NUSAP1: variants seen among roughly 807,000 people sequenced by gnomAD.
NUSAP1 encodes the protein nucleolar and spindle associated protein 1.
A neutral mutation model predicts 52.8 loss-of-function variants in NUSAP1; 32 were observed. The observed-to-expected ratio is 0.61, with a 90% CI of 0.46 to 0.81. The LOEUF (loss-of-function observed/expected upper bound fraction) is 0.81, where lower values mean the gene tolerates loss of function less well. Ranked by LOEUF, NUSAP1 falls within the 40% of genes least tolerant of loss-of-function variation. The pLI, the probability that NUSAP1 is intolerant of heterozygous loss-of-function variation, is 0.00. For synonymous variants in NUSAP1, 195 were observed against 183.1 expected (o/e 1.06, Z -0.52); for missense variants, 499 against 522.3 (o/e 0.96, Z 0.43).
chr15:41,336,648 G>GTTTTTTTTT (rs75426159), intron 1 of NUSAP1, among the ~76,000 whole-genome samples: 37 of 91,346 alleles, frequency 4.1e-4, no homozygotes, highest in East Asian at 9.8e-4. Flanking sequence ...CCTCCTTTTG[G>GTTTTTTTTT]TTTTTTTTTT....
At position 41,371,686 on chromosome 15, in the gene NUSAP1, TAA is replaced by T. The variant is rs371284414; in HGVS notation, c.1006+16_1006+17del. The T allele has an allele frequency of 4.0e-3, 5,045 of 1,272,084 alleles. No homozygotes were observed. Among genetic ancestry groups the T allele is most frequent in the Admixed American group, 0.011 (426 of 37,718 alleles). The allele number at this position is 1,272,084 out of a possible 1,614,324, so 78.8% of individuals were successfully genotyped here. A position where few individuals can be genotyped will look rare whatever the true frequency, so the allele number is the denominator to read the frequency against. ...CCATCACGGGGAATTCTGCTGCTGG[TAA>T]AAAAAAAAAAAAACAAAAGAAATCT... On this transcript the variant is annotated splice_donor_region_variant and intron_variant, in intron 8 of 10. Coordinates refer to ENST00000559596, the MANE Select transcript of NUSAP1 (RefSeq NM_016359.5).
At chr15:41,364,541 G>A (rs183676984) in intron 6 of NUSAP1, among the ~76,000 whole-genome samples, 15 of 151,830 alleles carry the variant, frequency 9.9e-5, no homozygotes, top group East Asian at 7.7e-4. Context: ...AAGAGACCCC[G>A]TCTCATTTAA....
intron 7 of NUSAP1, among the ~76,000 whole-genome samples, chr15:41,371,124 A>G (rs2049667077): frequency 6.6e-6 from 1 of 152,150 alleles, no homozygotes; most frequent in South Asian, 2.1e-4. Flanking sequence ...AGGAACATAC[A>G]AGACCTGTTC....
At chr15:41,372,519 A>G (rs1025269451) in intron 8 of NUSAP1, among the ~76,000 whole-genome samples, 1 of 152,148 alleles carries the variant, frequency 6.6e-6, no homozygotes, top group Admixed American at 6.6e-5. Context: ...GTACATGTGC[A>G]AGAGTTTCCC....
At chr15:41,354,091 A>G (rs1377353583) in intron 4 of NUSAP1, among the ~76,000 whole-genome samples, 1 of 152,216 alleles carries the variant, frequency 6.6e-6, no homozygotes, top group Non-Finnish European at 1.5e-5. Context: ...AATAATAATA[A>G]TAAGCTGGCT....
chr15:41,379,987 C>A, intron 10 of NUSAP1, 106 bp from the exon 11 acceptor site: 1 of 731,828 alleles, frequency 1.4e-6, no homozygotes, highest in South Asian at 1.7e-5. Flanking sequence ...CACAAGTATG[C>A]TGGATGTCAT....
At position 41,380,844 on chromosome 15, in the gene NUSAP1, ATTAATGCT is replaced by A. The variant is rs1468377405; in HGVS notation, c.*669_*676del. ...TACATAGCCCTATCGAAATGCGAGG[ATTAATGCT>A]TTAATGCTTTTAGAGACAGGGTCTC... On this transcript the variant is annotated 3_prime_UTR_variant, in exon 11 of 11. Transcript: ENST00000559596. 1.3e-5 allele frequency: 2 copies of A among 152,196 alleles called. No individual in the cohort carries two copies. Among genetic ancestry groups the A allele is most frequent in the Admixed American group, 1.3e-4 (2 of 15,246 alleles). 9.4% of individuals were successfully genotyped at this position (152,196 alleles called of 1,614,324 possible).
At chr15:41,338,897 G>A (rs771006207) in intron 1 of NUSAP1, among the ~76,000 whole-genome samples, 8 of 152,054 alleles carry the variant, frequency 5.3e-5, no homozygotes, top group Non-Finnish European at 1.0e-4. Context: ...CCTGAGAGGT[G>A]GAGGCTGCAG....
rs142240243 is a variant in NUSAP1 at position 41,355,925 on chromosome 15, G to A, written c.449-114G>A. On this transcript the variant is annotated intron_variant, in intron 4 of 10. Transcript: ENST00000559596. ...GATCTTCTGACCTCGTGATCCACCC[G>A]CCTCGGCCTCCCAAAGTGCTGGGAT... 1,709 of 613,274 alleles carry A rather than the reference G, an allele frequency of 2.8e-3. 23 individuals carry two copies. The African/African-American group carries it at 0.029, about 10-fold the overall frequency. The allele number at this position is 613,274 out of a possible 1,614,324, so 38.0% of individuals were successfully genotyped here.
chr15:41,365,508 G>T lies in NUSAP1; in HGVS notation c.767G>T (p.Cys256Phe). ...CAACGACGCTCGCAAGGCCGGTCTT[G>T]TGGCCCTGCAAGTCAGAGTACCTTG... ...ISQRRSQGRS[C>F]GPASQSTLGL... The change falls in exon 7 of 11, where the codon TGT becomes TTT. Residue 256 changes from cysteine (C) to phenylalanine (F), a missense_variant. Cys to Phe is a radical substitution (Grantham distance 205). Coordinates refer to ENST00000559596, the MANE Select transcript of NUSAP1 (RefSeq NM_016359.5). 1 of 1,612,864 alleles carries T rather than the reference G, an allele frequency of 6.2e-7. No homozygotes were observed. The highest frequency in any genetic ancestry group is 2.2e-5 in the East Asian group (1 of 44,856).
chr15:41,356,736 A>C, intron 5 of NUSAP1, among the ~76,000 whole-genome samples: 1 of 152,210 alleles, frequency 6.6e-6, no homozygotes, highest in Non-Finnish European at 1.5e-5. Flanking sequence ...GGCAAATAGC[A>C]TGCAGCAAGG....
At chr15:41,345,512 T>G (rs1413118628) in intron 2 of NUSAP1, 1 of 412,998 alleles carries the variant, frequency 2.4e-6, no homozygotes. Flanking sequence ...CAGGCTGGAG[T>G]GCAATGACAC....
chr15:41,338,370 GACAGTCT>G (rs1458737745), intron 1 of NUSAP1, among the ~76,000 whole-genome samples: 1 of 152,140 alleles, frequency 6.6e-6, no homozygotes, highest in Non-Finnish European at 1.5e-5. Flanking sequence ...TCCAAGCATT[GACAGTCT>G]CTTCCCCATC....
chr15:41,356,140 A>G lies in NUSAP1; in HGVS notation c.550A>G (p.Asn184Asp). ...KNKRTAITTPNFKKLHEAHFK... is the reference protein window; with the variant it reads ...KNKRTAITTPDFKKLHEAHFK... ...TAAAAGAACTGCAATCACTACTCCAAGTAAGTTTTGTAGACAAAGCCATAA... is the reference window on the plus strand; with the variant it reads ...TAAAAGAACTGCAATCACTACTCCAGGTAAGTTTTGTAGACAAAGCCATAA... Residue 184 changes from asparagine to aspartate, a missense_variant and splice_region_variant, in exon 5 of 11, where the codon AAC becomes GAC. Transcript: ENST00000559596. The G allele has an allele frequency of 1.3e-6, 2 of 1,572,560 alleles. No homozygotes were observed. The highest frequency in any genetic ancestry group is 1.7e-6 in the Non-Finnish European group (2 of 1,149,410).
chr15:41,335,644 ATATAT>A lies in NUSAP1; in HGVS notation c.93+2597_93+2601del, dbSNP rs1333277619. Among the ~76,000 whole-genome samples the A allele has an allele frequency of 2.9e-5, 4 of 139,928 alleles. No homozygotes were observed. The East Asian group carries it at 8.1e-4, about 28-fold the overall frequency. 91.8% of individuals were successfully genotyped at this position (139,928 alleles called of 152,430 possible). On this transcript the variant is annotated intron_variant, in intron 1 of 10. Coordinates refer to ENST00000559596, the MANE Select transcript of NUSAP1 (RefSeq NM_016359.5). The stretch of plus-strand genomic sequence containing the variant: ...TATATACTAAATATACTATATATAA[ATATAT>A]TAAATATATAAATATACTAAATATA...
At chr15:41,356,983 A>C (rs995707902) in intron 5 of NUSAP1, among the ~76,000 whole-genome samples, 1 of 152,200 alleles carries the variant, frequency 6.6e-6, no homozygotes, top group Non-Finnish European at 1.5e-5. Flanking sequence ...TCAGAATAGG[A>C]TACAGTTGGG....
At chr15:41,356,511 C>T (rs921194223) in intron 5 of NUSAP1, among the ~76,000 whole-genome samples, 7 of 151,988 alleles carry the variant, frequency 4.6e-5, no homozygotes, top group Admixed American at 2.6e-4. Context: ...TGCTCCACCA[C>T]GCCCAGCTGA....
At chr15:41,373,810 C>T (rs1198997751) in intron 8 of NUSAP1, among the ~76,000 whole-genome samples, 3 of 152,106 alleles carry the variant, frequency 2.0e-5, no homozygotes, top group Admixed American at 6.6e-5. Context: ...TTAAACAATC[C>T]TCCTGCCTCA....
intron 1 of NUSAP1, among the ~76,000 whole-genome samples, chr15:41,337,347 A>T (rs2048196639): frequency 1.3e-5 from 2 of 152,118 alleles, no homozygotes; most frequent in African/African-American, 4.8e-5. Flanking sequence ...GCCACCCTGC[A>T]TCTACATCCA....
Sources: gnomAD v4.1 joint callset for allele counts (sites outside exome capture counted in the v4.1 genomes callset) on GRCh38, gnomAD v4.1.1 for gene constraint, MANE v1.5 for transcripts, NCBI Gene and HGNC (gene_info 2026-07-23, HGNC 2026-07-21) for gene names.